SIK2: variants seen among roughly 807,000 people sequenced by gnomAD.
SIK2 encodes salt inducible kinase 2, also known as serine/threonine-protein kinase SIK2.
A neutral mutation model predicts 103.2 loss-of-function variants in SIK2; 29 were observed. That is an observed-to-expected ratio of 0.28 (90% confidence interval 0.21 to 0.38). The LOEUF is 0.38. SIK2 is among the 10% of genes least tolerant of loss of function. The pLI is 1.00. For synonymous variants in SIK2, 412 were observed against 446.1 expected, an observed-to-expected ratio of 0.92 and a Z score of 0.96; for missense variants, 879 against 1,171.0, an observed-to-expected ratio of 0.75 and a Z score of 3.64.
At chr11:111,653,146 C>T (rs556182018) in intron 3 of SIK2, among the ~76,000 whole-genome samples, 1 of 152,082 alleles carries the variant, frequency 6.6e-6, no homozygotes, top group Non-Finnish European at 1.5e-5. Context: ...AGGCCAACTA[C>T]CCTTCCCCTC....
intron 1 of SIK2, among the ~76,000 whole-genome samples, chr11:111,615,755 G>A (rs1320347480): frequency 2.6e-5 from 4 of 152,166 alleles, no homozygotes; most frequent in African/African-American, 9.7e-5. Flanking sequence ...CATGTAATGA[G>A]TTTTAATATT....
chr11:111,691,704 C>G (rs935593734), intron 4 of SIK2, among the ~76,000 whole-genome samples: 1 of 152,200 alleles, frequency 6.6e-6, no homozygotes, highest in African/African-American at 2.4e-5. Flanking sequence ...TATCTAAGCA[C>G]TCAAATTTTC....
rs1360189280 is a variant in SIK2, at chr11:111,701,628, T to A, written c.727+53T>A. On this transcript the variant is annotated intron_variant, in intron 6 of 14. Transcript: ENST00000304987. This position sits in a 1 kb window ranked among gnomAD's most constrained non-coding sequence, Gnocchi z 4.2. ...TGTTTTACAGTGTTAGTGCTCCAAG[T>A]GAAATGCCTAGGTAAAAGCTTCTTT... is the stretch of plus-strand genomic sequence containing the variant. 3.2e-6 allele frequency: 5 copies of A among 1,582,912 alleles called. No individual in the cohort carries two copies. The highest frequency in any genetic ancestry group is 4.3e-6 in the Non-Finnish European group (5 of 1,161,598).
chr11:111,703,014 G>A (rs1393988087), intron 6 of SIK2, among the ~76,000 whole-genome samples, 189 bp from the exon 7 acceptor site: 1 of 152,086 alleles, frequency 6.6e-6, no homozygotes, highest in African/African-American at 2.4e-5. Context: ...GTTTTTCTTA[G>A]GTATTTGTTC....
rs1237523947 is a variant in SIK2, at chr11:111,602,647, G to C, written c.84G>C (p.Lys28Asn). ...ACGACATCGAGGGCACGCTGGGCAA[G>C]GGCAACTTCGCTGTGGTGAAGCTGG... ...GFYDIEGTLGKGNFAVVKLGR... is the reference protein window; with the variant it reads ...GFYDIEGTLGNGNFAVVKLGR... The change falls in exon 1 of 15, where the codon AAG becomes AAC. Residue 28 changes from lysine to asparagine, a missense_variant. By Grantham distance (94) the Lys-to-Asn change is moderately conservative. Around this residue, in one of 7 missense-constraint regions of SIK2, gnomAD observed 47 missense variants for 43.9 expected, o/e 1.07. Transcript: ENST00000304987. The surrounding 1 kb of genome is among the most constrained non-coding windows in gnomAD (Gnocchi z 4.5). The C allele has an allele frequency of 6.5e-7, 1 of 1,533,994 alleles. No homozygotes were observed. The highest frequency in any genetic ancestry group is 2.0e-5 in the Admixed American group (1 of 49,924).
intron 4 of SIK2, among the ~76,000 whole-genome samples, chr11:111,697,642 A>AT (rs1943107908): frequency 6.6e-6 from 1 of 152,154 alleles, no homozygotes; most frequent in Non-Finnish European, 1.5e-5. Flanking sequence ...CCAGGATTTG[A>AT]TCCCCAATCT....
At chr11:111,711,372 C>T (rs550661842) in intron 8 of SIK2, among the ~76,000 whole-genome samples, 20 of 152,264 alleles carry the variant, frequency 1.3e-4, no homozygotes, top group South Asian at 4.1e-4. Flanking sequence ...CCGCCTGCCT[C>T]GGCCTCCCAA....
intron 2 of SIK2, among the ~76,000 whole-genome samples, chr11:111,618,910 A>AT (rs1231244380): frequency 2.0e-5 from 3 of 151,786 alleles, no homozygotes; most frequent in African/African-American, 4.8e-5. Context: ...ATTTTTTAAT[A>AT]TTTTTTGCAG....
intron 9 of SIK2, among the ~76,000 whole-genome samples, chr11:111,717,297 G>A (rs1214354057): frequency 6.4e-5 from 7 of 108,818 alleles, no homozygotes; most frequent in Admixed American, 3.0e-4. Context: ...GAGCCTGGGC[G>A]ACAGAGCGAG....
Position 111,729,230 on chromosome 11 carries a change from C to T in SIK2, c.*5101C>T, listed in dbSNP as rs139185909. ...ACCTTGTGTCCACATCTTCTCCAGGCAGGTTTCAACCTATCAGCAGACTCA... is the reference window on the plus strand; with the variant it reads ...ACCTTGTGTCCACATCTTCTCCAGGTAGGTTTCAACCTATCAGCAGACTCA... On this transcript the variant is annotated 3_prime_UTR_variant, in exon 15 of 15. Transcript: ENST00000304987. 2.6e-5 allele frequency: 4 copies of T among 152,418 alleles called. No individual in the cohort carries two copies. The East Asian group carries it at 7.7e-4, about 29-fold the overall frequency. The allele number at this position is 152,418 out of a possible 1,614,324, so 9.4% of individuals were successfully genotyped here.
At chr11:111,696,480 A>C (rs1943072684) in intron 4 of SIK2, among the ~76,000 whole-genome samples, 1 of 152,254 alleles carries the variant, frequency 6.6e-6, no homozygotes, top group African/African-American at 2.4e-5. Context: ...AAATGAAGCC[A>C]CGTGGCATGG....
intron 3 of SIK2, among the ~76,000 whole-genome samples, chr11:111,626,467 A>G (rs111540330): frequency 0.014 from 2,166 of 150,698 alleles, 48 homozygotes; most frequent in African/African-American, 0.05. Flanking sequence ...TTTCCTTCCT[A>G]CCTGAATGAG....
At chr11:111,610,242 C>G (rs955174499) in intron 1 of SIK2, among the ~76,000 whole-genome samples, 2 of 152,154 alleles carry the variant, frequency 1.3e-5, no homozygotes, top group Admixed American at 1.3e-4. Context: ...GTAATCCCAG[C>G]ACTTTGGGGG....
intron 4 of SIK2, among the ~76,000 whole-genome samples, chr11:111,698,517 G>A (rs1166906208): frequency 6.6e-6 from 1 of 152,186 alleles, no homozygotes; most frequent in African/African-American, 2.4e-5. Context: ...CACAGCGGGT[G>A]GATTGCGTCA....
intron 3 of SIK2, among the ~76,000 whole-genome samples, chr11:111,636,976 A>G (rs1942116282): frequency 6.6e-6 from 1 of 151,992 alleles, no homozygotes; most frequent in African/African-American, 2.4e-5. Flanking sequence ...GGTCTATTTC[A>G]ATTTGTGGTG....
In SIK2 at chr11:111,723,769, T is replaced by G. The variant is rs1439366403; in HGVS notation, c.2421T>G (p.Gly807=). The G allele has an allele frequency of 6.2e-7, 1 of 1,613,890 alleles. No individual in the cohort carries two copies. Among genetic ancestry groups the G allele is most frequent in the Non-Finnish European group, 8.5e-7 (1 of 1,180,014 alleles). The change falls in exon 15 of 15, where the codon GGT becomes GGG. Residue 807 remains glycine, a synonymous_variant. Coordinates refer to ENST00000304987, the MANE Select transcript of SIK2 (RefSeq NM_015191.3). The stretch of plus-strand genomic sequence containing the variant: ...TTCAGCCCCTGCCCTCCACTTCCGG[T>G]CCCCGGGCTGCTCCTCCTCTGCCCA... ...MQLQPLPSTS[G]PRAAPPLPTQ...
chr11:111,718,114 A>G (rs1396978304), intron 9 of SIK2, among the ~76,000 whole-genome samples: 1 of 152,216 alleles, frequency 6.6e-6, no homozygotes, highest in East Asian at 1.9e-4. Flanking sequence ...GGCTTATCCT[A>G]TAAGAAATGT....
chr11:111,707,894 G>A (rs1943394796), intron 8 of SIK2, among the ~76,000 whole-genome samples: 1 of 152,144 alleles, frequency 6.6e-6, no homozygotes, highest in Admixed American at 6.6e-5. Context: ...GAGTTCCTGT[G>A]CCCTTAAATA....
intron 3 of SIK2, among the ~76,000 whole-genome samples, chr11:111,663,969 C>T (rs749982772): frequency 2.0e-5 from 3 of 152,170 alleles, no homozygotes; most frequent in Non-Finnish European, 4.4e-5. Flanking sequence ...AGCTTCAGAT[C>T]CTGTGCTCTA....
Sources: gnomAD v4.1 joint callset for allele counts (sites outside exome capture counted in the v4.1 genomes callset) on GRCh38, gnomAD v4.1.1 for gene constraint, gnomAD v4.1.1 regional missense constraint, Gnocchi (gnomAD v3.1) non-coding constraint, MANE v1.5 for transcripts, NCBI Gene and HGNC (gene_info 2026-07-23, HGNC 2026-07-21) for gene names.